The following IGSF21 variants were observed in gnomAD, a reference collection of about 807,000 sequenced individuals.
The protein encoded by IGSF21 is immunoglobin superfamily member 21.
In IGSF21, 28 loss-of-function variants were observed where a neutral mutation model predicts 46.8. That is an observed-to-expected ratio of 0.60 (90% CI 0.44 to 0.82). The LOEUF (loss-of-function observed/expected upper bound fraction) is 0.82. IGSF21 is among the 40% of genes least tolerant of loss of function. The pLI is 0.00. For synonymous variants in IGSF21, 284 were observed against 273.6 expected, an observed-to-expected ratio of 1.04 and a Z score of -0.38; for missense variants, 624 against 665.5, an observed-to-expected ratio of 0.94 and a Z score of 0.69.
intron 3 of IGSF21, among the ~76,000 whole-genome samples, chr1:18,294,288 A>G (rs2085292888): frequency 6.6e-6 from 1 of 152,184 alleles, no homozygotes; most frequent in African/African-American, 2.4e-5. Flanking sequence ...TCCGGCCTCT[A>G]AGTGGTACAT....
intron 1 of IGSF21, among the ~76,000 whole-genome samples, chr1:18,154,798 C>A (rs2086553907): frequency 6.6e-6 from 1 of 152,072 alleles, no homozygotes; most frequent in African/African-American, 2.4e-5. Flanking sequence ...TCTTTCCCTC[C>A]CTTCCTTTCT....
In IGSF21 at chr1:18,111,135, C is replaced by A. The variant is rs539522766; in HGVS notation, c.70+2937C>A. ...GGTGTGACGACTTTATATATTTATC[C>A]TCCCTTCACACGCCCCCTTCCCACT... On this transcript the variant is annotated intron_variant, in intron 1 of 9. Coordinates refer to ENST00000251296, the MANE Select transcript of IGSF21 (RefSeq NM_032880.5). The A allele has an allele frequency of 5.9e-5, 9 of 152,368 alleles. No individual in the cohort carries two copies. The South Asian group carries it at 1.7e-3, about 28-fold the overall frequency. 9.4% of individuals were successfully genotyped at this position (152,368 alleles called of 1,614,324 possible).
chr1:18,370,195 G>C (rs561793909), intron 6 of IGSF21, among the ~76,000 whole-genome samples: 1 of 152,000 alleles, frequency 6.6e-6, no homozygotes, highest in Non-Finnish European at 1.5e-5. Context: ...TTCCCACCCC[G>C]ATTGATCTAC....
At chr1:18,169,480 G>T (rs2086713838) in intron 1 of IGSF21, among the ~76,000 whole-genome samples, 1 of 152,192 alleles carries the variant, frequency 6.6e-6, no homozygotes, top group South Asian at 2.1e-4. Flanking sequence ...ATTCACAAGG[G>T]TGGCCCAAGC....
intron 4 of IGSF21, among the ~76,000 whole-genome samples, chr1:18,338,820 A>G (rs2085798648): frequency 6.6e-6 from 1 of 151,902 alleles, no homozygotes; most frequent in Non-Finnish European, 1.5e-5. Flanking sequence ...CCAATTTGAA[A>G]GTTGCGTGCT....
intron 1 of IGSF21, among the ~76,000 whole-genome samples, chr1:18,147,668 A>T (rs532589348): frequency 6.6e-6 from 1 of 152,278 alleles, no homozygotes; most frequent in East Asian, 1.9e-4. Flanking sequence ...TGTGACTATG[A>T]TGATGAAACA....
intron 1 of IGSF21, among the ~76,000 whole-genome samples, chr1:18,208,492 CT>C (rs1374888889): frequency 6.8e-6 from 1 of 147,464 alleles, no homozygotes; most frequent in Admixed American, 6.8e-5. Context: ...CGCCATTCTC[CT>C]GCCTCAGCCT....
intron 2 of IGSF21, among the ~76,000 whole-genome samples, chr1:18,267,768 T>A (rs1411614426): frequency 6.6e-6 from 1 of 152,204 alleles, no homozygotes; most frequent in East Asian, 1.9e-4. Flanking sequence ...CTGTGTCTTC[T>A]AGAACAGGCC....
chr1:18,311,237 G>C (rs968036876), intron 3 of IGSF21, among the ~76,000 whole-genome samples: 1 of 152,126 alleles, frequency 6.6e-6, no homozygotes, highest in Non-Finnish European at 1.5e-5. Flanking sequence ...ATGACTCCCT[G>C]TTTCTGAAAG....
At chr1:18,169,261 G>C (rs569099861) in intron 1 of IGSF21, among the ~76,000 whole-genome samples, 1 of 152,224 alleles carries the variant, frequency 6.6e-6, no homozygotes, top group Non-Finnish European at 1.5e-5. Context: ...TAGCTTTGGC[G>C]AGCGGGATCC....
intron 1 of IGSF21, among the ~76,000 whole-genome samples, chr1:18,167,951 G>A (rs771812941): frequency 3.3e-5 from 5 of 152,084 alleles, no homozygotes; most frequent in African/African-American, 4.8e-5. Flanking sequence ...CTCCACGTGC[G>A]CCACAAACAC....
At chr1:18,125,882 C>T (rs760783495) in intron 1 of IGSF21, among the ~76,000 whole-genome samples, 17 of 152,172 alleles carry the variant, frequency 1.1e-4, no homozygotes, top group Admixed American at 1.3e-4. Flanking sequence ...CCAGACCCTG[C>T]GCAGGCCTTG....
intron 1 of IGSF21, among the ~76,000 whole-genome samples, chr1:18,198,507 A>C (rs964416135): frequency 1.3e-5 from 2 of 152,202 alleles, no homozygotes; most frequent in Admixed American, 1.3e-4. Context: ...TATTTTCTTC[A>C]CTATAAAGCA....
chr1:18,156,888 G>T (rs2086574191), intron 1 of IGSF21, among the ~76,000 whole-genome samples: 1 of 152,214 alleles, frequency 6.6e-6, no homozygotes, highest in Admixed American at 6.5e-5. Context: ...ACTTTGAGGG[G>T]CGGAGGTAGG....
intron 1 of IGSF21, among the ~76,000 whole-genome samples, chr1:18,190,673 C>T (rs976144480): frequency 6.6e-6 from 1 of 152,174 alleles, no homozygotes; most frequent in Non-Finnish European, 1.5e-5. Flanking sequence ...TCTTTCTTTC[C>T]CTGCAGGGTG....
chr1:18,305,246 ATGGATGCATGGATGGTGGATGGG>A (rs1453289861), intron 3 of IGSF21, among the ~76,000 whole-genome samples: 29 of 151,706 alleles, frequency 1.9e-4, no homozygotes, highest in African/African-American at 6.5e-4. Flanking sequence ...GAATCGATGG[ATGGATGCATGGATGGTGGATGGG>A]TGGATGGATG....
chr1:18,212,301 G>A (rs1487787482), intron 1 of IGSF21, among the ~76,000 whole-genome samples: 4 of 152,262 alleles, frequency 2.6e-5, no homozygotes, highest in Admixed American at 2.6e-4. Flanking sequence ...TGCAAGGCTA[G>A]CTTGTGATAG....
chr1:18,346,146 G>A (rs1352301218), intron 4 of IGSF21, among the ~76,000 whole-genome samples: 1 of 152,164 alleles, frequency 6.6e-6, no homozygotes, highest in Non-Finnish European at 1.5e-5. Context: ...GGTAGGGTCA[G>A]AACTATGAGA....
At chr1:18,281,261 A>G (rs1013605376) in intron 2 of IGSF21, among the ~76,000 whole-genome samples, 3 of 105,766 alleles carry the variant, frequency 2.8e-5, no homozygotes, top group Non-Finnish European at 4.2e-5. Context: ...GAGGGTGTGT[A>G]GTGAAGAGTG....
Sources: gnomAD v4.1 joint callset for allele counts (sites outside exome capture counted in the v4.1 genomes callset) on GRCh38, gnomAD v4.1.1 for gene constraint, MANE v1.5 for transcripts, NCBI Gene and HGNC (gene_info 2026-07-23, HGNC 2026-07-21) for gene names.